Variants in SMYD3 observed in about 807,000 individuals in gnomAD.
The protein encoded by SMYD3 is histone-lysine N-methyltransferase SMYD3.
A neutral mutation model predicts 57.7 loss-of-function variants in SMYD3; 36 were observed. The observed-to-expected ratio is 0.62, with a 90% CI of 0.48 to 0.82. The LOEUF (loss-of-function observed/expected upper bound fraction) is 0.82. Among genes scored for constraint, SMYD3 ranks in the 40% least tolerant of loss-of-function variants. The probability of loss-of-function intolerance (pLI) is 0.00; values close to 1 mark genes in which losing one functional copy is unlikely to be tolerated. For missense variants in SMYD3, 515 were observed against 538.8 expected, an observed-to-expected ratio of 0.96 and a Z score of 0.44; for synonymous variants, 211 against 195.0, an observed-to-expected ratio of 1.08 and a Z score of -0.68.
chr1:245,752,763 C>A (rs2045444299), intron 11 of SMYD3, among the ~76,000 whole-genome samples: 1 of 152,196 alleles, frequency 6.6e-6, no homozygotes, highest in Non-Finnish European at 1.5e-5. Flanking sequence ...GGCCTTCCTC[C>A]AGCTTCACAT....
At position 246,326,985 on chromosome 1, in the gene SMYD3, C is replaced by A; in HGVS notation, c.531+216G>T. 5.3e-6 allele frequency: 3 copies of A among 562,248 alleles called. No homozygotes were observed. The South Asian group carries it at 7.4e-5, about 14-fold the overall frequency. The allele number at this position is 562,248 out of a possible 1,614,324, so 34.8% of individuals were successfully genotyped here. A position where few individuals can be genotyped will look rare whatever the true frequency, so the allele number is the denominator to read the frequency against. On this transcript the variant is annotated intron_variant, in intron 5 of 11. Transcript: ENST00000490107. ...AGAATTCACAATGAACATACTCAGG[C>A]AATAACAAGAATATTAATCAAACAG...
intron 5 of SMYD3, among the ~76,000 whole-genome samples, chr1:246,325,358 T>G (rs1402189552): frequency 6.6e-6 from 1 of 150,788 alleles, no homozygotes; most frequent in Non-Finnish European, 1.5e-5. Flanking sequence ...AAAATACAAA[T>G]TAAAAACATT....
At chr1:245,852,590 G>C (rs9287180) in intron 10 of SMYD3, among the ~76,000 whole-genome samples, 62,046 of 152,074 alleles carry the variant, frequency 0.41, 14,843 homozygotes, top group East Asian at 0.76. Context: ...CATAAGTAAT[G>C]AGGCCTAAGC....
Position 246,301,802 on chromosome 1 carries a change from GAATA to G in SMYD3, c.531+25395_531+25398del, listed in dbSNP as rs1467479456. 3.3e-5 allele frequency among the ~76,000 whole-genome samples: 5 copies of G among 152,014 alleles called. No homozygotes were observed. The South Asian group carries it at 6.2e-4, about 19-fold the overall frequency. ...CACTGGCACTAAATGTCTGGCAAAT[GAATA>G]AATAAATAAGTGACTATAATACAAA... On this transcript the variant is annotated intron_variant, in intron 5 of 11. Coordinates refer to ENST00000490107, the MANE Select transcript of SMYD3 (RefSeq NM_001167740.2).
At chr1:245,884,195 T>G (rs1296171091) in intron 8 of SMYD3, among the ~76,000 whole-genome samples, 1 of 152,186 alleles carries the variant, frequency 6.6e-6, no homozygotes, top group Non-Finnish European at 1.5e-5. Flanking sequence ...TGAAGTCTAT[T>G]TCTCCCAATC....
chr1:246,217,633 G>C (rs970384518), intron 5 of SMYD3, among the ~76,000 whole-genome samples: 2 of 151,932 alleles, frequency 1.3e-5, no homozygotes, highest in African/African-American at 4.8e-5. Context: ...GGTATTATCA[G>C]AATTTAAAGT....
rs555259095 is a variant in SMYD3 at position 246,253,191 on chromosome 1, T to G, written c.531+74010A>C. On this transcript the variant is annotated intron_variant, in intron 5 of 11. Coordinates refer to ENST00000490107, the MANE Select transcript of SMYD3 (RefSeq NM_001167740.2). ...GTTACCAGGGTATATTACATGATGC[T>G]GAGGTTTGGGGTACAAATGAGCCCA... Among the ~76,000 whole-genome samples the G allele has an allele frequency of 9.3e-4, 141 of 152,304 alleles. 1 individual carries two copies. Among genetic ancestry groups the G allele is most frequent in the African/African-American group, 3.4e-3 (140 of 41,556 alleles).
chr1:246,241,924 G>T (rs2063619041), intron 5 of SMYD3, among the ~76,000 whole-genome samples: 1 of 152,110 alleles, frequency 6.6e-6, no homozygotes, highest in Non-Finnish European at 1.5e-5. Context: ...CATTTCTGTG[G>T]GGTCAGTGGT....
chr1:246,291,143 C>T (rs1206387817), intron 5 of SMYD3, among the ~76,000 whole-genome samples: 3 of 152,152 alleles, frequency 2.0e-5, no homozygotes, highest in African/African-American at 7.2e-5. Flanking sequence ...ACTAGATGGT[C>T]AAGACAAGCA....
intron 5 of SMYD3, among the ~76,000 whole-genome samples, chr1:246,126,104 C>G (rs1251745062): frequency 6.6e-6 from 1 of 152,222 alleles, no homozygotes; most frequent in Non-Finnish European, 1.5e-5. Context: ...TACTTACACA[C>G]AGCGCAGTGC....
chr1:246,017,074 A>T (rs2059390125), intron 5 of SMYD3, among the ~76,000 whole-genome samples: 1 of 152,226 alleles, frequency 6.6e-6, no homozygotes, highest in South Asian at 2.1e-4. Flanking sequence ...ATGTCAGAAC[A>T]TGAACATTTT....
In SMYD3 at chr1:245,763,889, A is replaced by G. The variant is rs1228258041; in HGVS notation, c.1185+152T>C. Reference sequence around the variant, plus strand: ...AAATGTCATGAAGCAGGTTTTTTCCAGAGTGGTTGTTAAACATTTACCAGC... The same window carrying G: ...AAATGTCATGAAGCAGGTTTTTTCCGGAGTGGTTGTTAAACATTTACCAGC... On this transcript the variant is annotated intron_variant, in intron 11 of 11. Coordinates refer to ENST00000490107, the MANE Select transcript of SMYD3 (RefSeq NM_001167740.2). 5.2e-5 allele frequency: 30 copies of G among 576,786 alleles called. No individual in the cohort carries two copies. The South Asian group carries it at 7.5e-4, about 14-fold the overall frequency. 35.7% of individuals were successfully genotyped at this position (576,786 alleles called of 1,614,324 possible).
rs112902679 is a variant in SMYD3, at chr1:245,834,803, A to C, written c.1076+23693T>G. Among the ~76,000 whole-genome samples the C allele has an allele frequency of 9.8e-5, 15 of 152,296 alleles. 2 individuals are homozygous for C. The highest frequency in any genetic ancestry group is 3.6e-4 in the African/African-American group (15 of 41,562). On this transcript the variant is annotated intron_variant, in intron 10 of 11. Transcript: ENST00000490107. ...GCCTTGGCTATTGACAAGGTCTTTT[A>C]GGGTATGGGGTTACATTTTTGTCCC... is the stretch of plus-strand genomic sequence containing the variant.
At chr1:245,916,157 G>A (rs6679191) in intron 7 of SMYD3, among the ~76,000 whole-genome samples, 150,130 of 152,160 alleles carry the variant, frequency 0.99, 74,103 homozygotes, top group Middle Eastern at 1. Context: ...ATCTAGGTTT[G>A]GAAAAAAAAG....
intron 5 of SMYD3, among the ~76,000 whole-genome samples, chr1:246,142,410 T>G (rs2061771386): frequency 6.6e-6 from 1 of 152,164 alleles, no homozygotes; most frequent in Non-Finnish European, 1.5e-5. Flanking sequence ...AGGAAGCACT[T>G]TACAGCTTCT....
chr1:246,046,322 G>T (rs1197843505), intron 5 of SMYD3, among the ~76,000 whole-genome samples: 1 of 152,156 alleles, frequency 6.6e-6, no homozygotes, highest in Non-Finnish European at 1.5e-5. Context: ...CATGTCCTTT[G>T]TAGGGACATG....
At chr1:246,097,750 A>G (rs2060941349) in intron 5 of SMYD3, among the ~76,000 whole-genome samples, 1 of 152,042 alleles carries the variant, frequency 6.6e-6, no homozygotes, top group Non-Finnish European at 1.5e-5. Context: ...TATCATATCA[A>G]TATGATGTAG....
Position 245,894,536 on chromosome 1 carries a change from C to T in SMYD3, c.813+20994G>A, listed in dbSNP as rs144482983. On this transcript the variant is annotated intron_variant, in intron 8 of 11. Coordinates refer to ENST00000490107, the MANE Select transcript of SMYD3 (RefSeq NM_001167740.2). ...AGCTCTAACACTCACCGCAAAGGTCCGCGGCTCCATTCTTCAAGTCATCAA... is the reference window on the plus strand; with the variant it reads ...AGCTCTAACACTCACCGCAAAGGTCTGCGGCTCCATTCTTCAAGTCATCAA... 4.7e-3 allele frequency among the ~76,000 whole-genome samples: 723 copies of T among 152,232 alleles called. 8 individuals are homozygous for T. Among genetic ancestry groups the T allele is most frequent in the African/African-American group, 0.016 (674 of 41,532 alleles).
intron 7 of SMYD3, among the ~76,000 whole-genome samples, chr1:245,925,207 C>A (rs1483527429): frequency 6.6e-6 from 1 of 152,056 alleles, no homozygotes; most frequent in South Asian, 2.1e-4. Flanking sequence ...TTTTAACTTT[C>A]AAAAAATTAA....
Sources: gnomAD v4.1 joint callset for allele counts (sites outside exome capture counted in the v4.1 genomes callset) on GRCh38, gnomAD v4.1.1 for gene constraint, MANE v1.5 for transcripts, NCBI Gene and HGNC (gene_info 2026-07-23, HGNC 2026-07-21) for gene names.